NAA50: variants seen among roughly 807,000 people sequenced by gnomAD.
The protein encoded by NAA50 is N-alpha-acetyltransferase 50, NatE catalytic subunit, also known as N-alpha-acetyltransferase 50.
A neutral mutation model predicts 20.7 loss-of-function variants in NAA50; 7 were observed. The observed-to-expected ratio is 0.34, with a 90% CI of 0.19 to 0.63. The LOEUF (loss-of-function observed/expected upper bound fraction) is 0.63, where lower values mean the gene tolerates loss of function less well. Ranked by LOEUF, NAA50 falls within the 30% of genes least tolerant of loss-of-function variation. The pLI, the probability that NAA50 is intolerant of heterozygous loss-of-function variation, is 0.75. For synonymous variants in NAA50, 54 were observed against 70.6 expected (o/e 0.77, Z 1.18); for missense variants, 111 against 199.1 (o/e 0.56, Z 2.66).
In NAA50 at chr3:113,726,244, G is replaced by A. The variant is rs112152836; in HGVS notation, c.9-2149C>T. Among the ~76,000 whole-genome samples, 37 of 152,058 alleles carry A rather than the reference G, an allele frequency of 2.4e-4. 1 individual carries two copies. Among genetic ancestry groups the A allele is most frequent in the Admixed American group, 3.9e-4 (6 of 15,274 alleles). ...ATTTAAAAAACCCCTCAGCACCATA[G>A]GAAGTTTAAAAAAGTAAAAATAAAA... On this transcript the variant is annotated intron_variant, in intron 1 of 4. Coordinates refer to ENST00000240922, the MANE Select transcript of NAA50 (RefSeq NM_025146.4).
intron 1 of NAA50, among the ~76,000 whole-genome samples, chr3:113,735,812 T>C (rs955324386): frequency 5.3e-5 from 8 of 152,172 alleles, no homozygotes; most frequent in African/African-American, 1.9e-4. Flanking sequence ...GCCTACCGAG[T>C]AGCTGGGACT....
At position 113,720,587 on chromosome 3, in the gene NAA50, A is replaced by G. The variant is rs1708123302; in HGVS notation, c.*1173T>C. The G allele has an allele frequency of 6.6e-6, 1 of 152,658 alleles. No individual in the cohort carries two copies. The highest frequency in any genetic ancestry group is 2.1e-4 in the South Asian group (1 of 4,836). 9.5% of individuals were successfully genotyped at this position (152,658 alleles called of 1,614,324 possible). ...TCCAAGAATAGAAGCAATATGTTTAATAATTACCCCTGCCTCAAATCCTTA... is the reference window on the plus strand; with the variant it reads ...TCCAAGAATAGAAGCAATATGTTTAGTAATTACCCCTGCCTCAAATCCTTA... On this transcript the variant is annotated 3_prime_UTR_variant, in exon 5 of 5. Coordinates refer to ENST00000240922, the MANE Select transcript of NAA50 (RefSeq NM_025146.4).
At chr3:113,738,218 G>A (rs1708371314) in intron 1 of NAA50, among the ~76,000 whole-genome samples, 1 of 152,186 alleles carries the variant, frequency 6.6e-6, no homozygotes, top group African/African-American at 2.4e-5. Flanking sequence ...GTGGAAAATT[G>A]TTTCCACTGT....
At position 113,720,477 on chromosome 3, in the gene NAA50, G is replaced by T. The variant is rs545069120; in HGVS notation, c.*1283C>A. On this transcript the variant is annotated 3_prime_UTR_variant, in exon 5 of 5. Coordinates refer to ENST00000240922, the MANE Select transcript of NAA50 (RefSeq NM_025146.4). The stretch of plus-strand genomic sequence containing the variant: ...CTGTCAAAGCCACTCCGTGTGTGCC[G>T]GAAAATGATCTGGCATAAACCAGTC... 1 of 152,580 alleles carries T rather than the reference G, an allele frequency of 6.6e-6. No individual in the cohort carries two copies. The highest frequency in any genetic ancestry group is 1.5e-5 in the Non-Finnish European group (1 of 68,016). 9.5% of individuals were successfully genotyped at this position (152,580 alleles called of 1,614,324 possible). A position where few individuals can be genotyped will look rare whatever the true frequency, so the allele number is the denominator to read the frequency against.
Position 113,740,374 on chromosome 3 carries a change from C to G in NAA50, c.8+5568G>C, listed in dbSNP as rs1708398163. Among the ~76,000 whole-genome samples the G allele has an allele frequency of 2.0e-5, 3 of 152,088 alleles. 1 individual carries two copies. The South Asian group carries it at 6.2e-4, about 32-fold the overall frequency. Reference sequence around the variant, plus strand: ...ACGGACCAATAACTGTGAGTTTTTTCTTTTTGAGACAGGGTCTCCCTCTGT... The same window carrying G: ...ACGGACCAATAACTGTGAGTTTTTTGTTTTTGAGACAGGGTCTCCCTCTGT... On this transcript the variant is annotated intron_variant, in intron 1 of 4. Coordinates refer to ENST00000240922, the MANE Select transcript of NAA50 (RefSeq NM_025146.4).
chr3:113,727,015 T>C (rs957461201), intron 1 of NAA50, among the ~76,000 whole-genome samples: 1 of 152,138 alleles, frequency 6.6e-6, no homozygotes, highest in Admixed American at 6.5e-5. Flanking sequence ...TGGTCTACAG[T>C]TCCTGAGCTC....
rs147693467 is a variant in NAA50 at position 113,720,240 on chromosome 3, T to C, written c.*1520A>G. On this transcript the variant is annotated 3_prime_UTR_variant, in exon 5 of 5. Coordinates refer to ENST00000240922, the MANE Select transcript of NAA50 (RefSeq NM_025146.4). The stretch of plus-strand genomic sequence containing the variant: ...GCATAAACATTTTATAAAATAATTT[T>C]GTCATTTAACATATTTGGAAATGAG... The C allele has an allele frequency of 5.9e-5, 9 of 152,634 alleles. No individual in the cohort carries two copies. Among genetic ancestry groups the C allele is most frequent in the Non-Finnish European group, 1.3e-4 (9 of 68,018 alleles). The allele number at this position is 152,634 out of a possible 1,614,324, so 9.5% of individuals were successfully genotyped here. A position where few individuals can be genotyped will look rare whatever the true frequency, so the allele number is the denominator to read the frequency against.
intron 1 of NAA50, among the ~76,000 whole-genome samples, chr3:113,729,823 G>A (rs1334735594): frequency 2.6e-5 from 4 of 152,056 alleles, no homozygotes; most frequent in Non-Finnish European, 4.4e-5. Context: ...CTCCCAAAGT[G>A]CTGGGATTAC....
intron 1 of NAA50, among the ~76,000 whole-genome samples, chr3:113,734,472 C>G (rs935297429): frequency 6.6e-6 from 1 of 152,066 alleles, no homozygotes; most frequent in Non-Finnish European, 1.5e-5. Flanking sequence ...GAAAAAGAAT[C>G]CCTAACAAAA....
rs116515069 is a variant in NAA50 at position 113,735,340 on chromosome 3, T to C, written c.8+10602A>G. Among the ~76,000 whole-genome samples the C allele has an allele frequency of 3.9e-3, 601 of 152,342 alleles. 4 individuals carry two copies. Among genetic ancestry groups the C allele is most frequent in the African/African-American group, 0.014 (571 of 41,584 alleles). ...TTCTCAAATTCCACCTTGGCAGCTTTACTTTTGTAATTAAGCTTGTTATGT... is the reference window on the plus strand; with the variant it reads ...TTCTCAAATTCCACCTTGGCAGCTTCACTTTTGTAATTAAGCTTGTTATGT... On this transcript the variant is annotated intron_variant, in intron 1 of 4. Transcript: ENST00000240922.
At chr3:113,742,028 TA>T (rs1559742935) in intron 1 of NAA50, among the ~76,000 whole-genome samples, 2 of 152,298 alleles carry the variant, frequency 1.3e-5, no homozygotes, top group Middle Eastern at 3.4e-3. Flanking sequence ...ATTGATTTTT[TA>T]AAAAAACTTA....
chr3:113,740,312 A>G (rs1423537066), intron 1 of NAA50, among the ~76,000 whole-genome samples: 1 of 152,250 alleles, frequency 6.6e-6, no homozygotes, highest in Non-Finnish European at 1.5e-5. Flanking sequence ...CAAAATCTGC[A>G]GTAGATCCAC....
In NAA50 at chr3:113,720,369, G is replaced by C. The variant is rs1267491430; in HGVS notation, c.*1391C>G. 1 of 152,490 alleles carries C rather than the reference G, an allele frequency of 6.6e-6. No homozygotes were observed. Among genetic ancestry groups the C allele is most frequent in the African/African-American group, 2.4e-5 (1 of 41,446 alleles). The allele number at this position is 152,490 out of a possible 1,614,324, so 9.4% of individuals were successfully genotyped here. On this transcript the variant is annotated 3_prime_UTR_variant, in exon 5 of 5. Transcript: ENST00000240922. Reference sequence around the variant, plus strand: ...CCCTGTGCATTATTTTAAAGTCTGAGAACATTTCTAAATAGTGGAGATGGG... The same window carrying C: ...CCCTGTGCATTATTTTAAAGTCTGACAACATTTCTAAATAGTGGAGATGGG...
chr3:113,745,594 G>A (rs1382356697), intron 1 of NAA50: 4 of 323,600 alleles, frequency 1.2e-5, no homozygotes, highest in East Asian at 5.4e-5. Flanking sequence ...GGAGCTGCGG[G>A]CCGGCGTGGC....
At chr3:113,737,984 C>T (rs1708368384) in intron 1 of NAA50, among the ~76,000 whole-genome samples, 1 of 152,098 alleles carries the variant, frequency 6.6e-6, no homozygotes, top group Non-Finnish European at 1.5e-5. Flanking sequence ...GTGGGCAGAT[C>T]CTTTGAGTCC....
Position 113,721,743 on chromosome 3 carries a change from G to A in NAA50, c.*17C>T. On this transcript the variant is annotated 3_prime_UTR_variant, in exon 5 of 5. Transcript: ENST00000240922. ...TTTGGCGACAAGCAAGTGCAAGAAA[G>A]TTCATTTGTAATTTGTTCAGTTGTC... 10 of 1,613,420 alleles carry A rather than the reference G, an allele frequency of 6.2e-6. No homozygotes were observed. Among genetic ancestry groups the A allele is most frequent in the Non-Finnish European group, 8.5e-6 (10 of 1,179,580 alleles).
chr3:113,737,283 A>C (rs1163993962), intron 1 of NAA50, among the ~76,000 whole-genome samples: 1 of 152,220 alleles, frequency 6.6e-6, no homozygotes, highest in East Asian at 1.9e-4. Flanking sequence ...CTTTGATTTA[A>C]AAATGTCAAG....
intron 2 of NAA50, chr3:113,723,746 T>C (rs1171917239): frequency 3.8e-6 from 3 of 795,820 alleles, no homozygotes; most frequent in Non-Finnish European, 5.6e-6. Flanking sequence ...CACACAGGTA[T>C]ACACTAAGAA....
intron 1 of NAA50, 44 bp from the exon 2 acceptor site, chr3:113,724,139 A>AT: frequency 6.9e-7 from 1 of 1,457,166 alleles, no homozygotes; most frequent in South Asian, 1.6e-5. Flanking sequence ...AATTAGCCCC[A>AT]TTTGTTAATA....
Sources: allele counts gnomAD v4.1 joint callset (sites outside exome capture counted in the v4.1 genomes callset), GRCh38; gene constraint gnomAD v4.1.1; transcripts MANE v1.5; gene names NCBI Gene and HGNC (gene_info 2026-07-23, HGNC 2026-07-21).